The following DHX40 variants were observed in gnomAD, a reference collection of about 807,000 sequenced individuals.
DHX40 encodes DEAH-box helicase 40, also known as probable ATP-dependent RNA helicase DHX40.
In DHX40, 28 loss-of-function variants were observed where a neutral mutation model predicts 89.6. The observed-to-expected ratio is 0.31, with a 90% CI of 0.23 to 0.43. The LOEUF (loss-of-function observed/expected upper bound fraction) is 0.43, where lower values mean the gene tolerates loss of function less well. Among genes scored for constraint, DHX40 ranks in the 20% least tolerant of loss-of-function variants. DHX40 has a pLI of 1.00. For synonymous variants in DHX40, 226 were observed against 283.6 expected (o/e 0.80, Z 2.04); for missense variants, 457 against 844.0 (o/e 0.54, Z 5.68).
intron 14 of DHX40, 51 bp from the exon 15 acceptor site, chr17:59,602,471 A>G: frequency 6.9e-7 from 1 of 1,447,730 alleles, no homozygotes; most frequent in Non-Finnish European, 9.5e-7. Context: ...ATAAAAGATT[A>G]TTTCAAATTG....
rs142357506 is a variant in DHX40, at chr17:59,568,211, G to A, written c.280+1417G>A. ...CTGTTGCACTCCAGTCTGGGCAACA[G>A]AGTGAGACTCTGTGTCAAAAAAAAT... On this transcript the variant is annotated intron_variant, in intron 2 of 17. Coordinates refer to ENST00000251241, the MANE Select transcript of DHX40 (RefSeq NM_024612.5). Among the ~76,000 whole-genome samples, 521 of 152,326 alleles carry A rather than the reference G, an allele frequency of 3.4e-3. 4 individuals are homozygous for A. Among genetic ancestry groups the A allele is most frequent in the African/African-American group, 0.012 (481 of 41,572 alleles).
rs2143180617 is a variant in DHX40, at chr17:59,566,777, A to G, written c.263A>G (p.Lys88Arg). ...TGSGKTTQLP[K>R]YLYEAGFSQH... is the part of the protein sequence containing the mutation. ...AGTGGTAAAACAACTCAACTCCCAA[A>G]ATATCTATATGAAGCAGGTGATTTT... The change falls in exon 2 of 18, where the codon AAA becomes AGA. Residue 88 changes from lysine to arginine, a missense_variant. Transcript: ENST00000251241. 6.3e-7 allele frequency: 1 copy of G among 1,583,136 alleles called. No individual in the cohort carries two copies. The highest frequency in any genetic ancestry group is 8.5e-7 in the Non-Finnish European group (1 of 1,171,944).
chr17:59,570,103 T>TAAATATATATAATATATATATATA (rs1567857939), intron 2 of DHX40, among the ~76,000 whole-genome samples: 1 of 127,796 alleles, frequency 7.8e-6, no homozygotes, highest in African/African-American at 3.0e-5. Flanking sequence ...ATAGTATATA[T>TAAATATATATAATATATATATATA]TATAATATAT....
intron 3 of DHX40, 108 bp downstream of exon 3, chr17:59,570,771 C>T (rs2048795814): frequency 2.5e-6 from 3 of 1,185,674 alleles, no homozygotes; most frequent in African/African-American, 1.6e-5. Flanking sequence ...GTAGCCTCTA[C>T]CTTCTGGGCT....
chr17:59,566,620 A>T lies in DHX40; in HGVS notation c.113-7A>T. ...CTTTTAATTGACTTGTTTTTCTGTTATTACAGAAGAGAAAGGATGCACGTC... is the reference window on the plus strand; with the variant it reads ...CTTTTAATTGACTTGTTTTTCTGTTTTTACAGAAGAGAAAGGATGCACGTC... On this transcript the variant is annotated splice_polypyrimidine_tract_variant and splice_region_variant and intron_variant, in intron 1 of 17. Transcript: ENST00000251241. 1.3e-6 allele frequency: 2 copies of T among 1,572,282 alleles called. No homozygotes were observed. The highest frequency in any genetic ancestry group is 1.4e-5 in the African/African-American group (1 of 72,032).
In DHX40 at chr17:59,586,905, G is replaced by A. The variant is rs374574583; in HGVS notation, c.1424+672G>A. Among the ~76,000 whole-genome samples, 9 of 152,122 alleles carry A rather than the reference G, an allele frequency of 5.9e-5. No individual in the cohort carries two copies. The South Asian group carries it at 1.9e-3, about 32-fold the overall frequency. On this transcript the variant is annotated intron_variant, in intron 11 of 17. Transcript: ENST00000251241. ...GTGGTGGCTCACGCCTGTAATTCCA[G>A]CACTTTGGGAGGCCAAGGCGAGCAG...
intron 3 of DHX40, 95 bp downstream of exon 3, chr17:59,570,758 T>C: frequency 7.8e-7 from 1 of 1,287,840 alleles, no homozygotes. Flanking sequence ...ATCATGGCTC[T>C]CTGTAGCCTC....
intron 17 of DHX40, 124 bp from the exon 18 acceptor site, chr17:59,606,909 T>G: frequency 1.0e-6 from 1 of 993,224 alleles, no homozygotes. Context: ...GGGCAAAATT[T>G]AATTTTTCTC....
At chr17:59,600,891 C>G (rs1263404102) in intron 14 of DHX40, among the ~76,000 whole-genome samples, 1 of 139,706 alleles carries the variant, frequency 7.2e-6, no homozygotes, top group East Asian at 2.1e-4. Context: ...TTTATGCGTA[C>G]AGGTCACTGC....
chr17:59,596,047 A>C (rs1438676016), intron 12 of DHX40, among the ~76,000 whole-genome samples: 1 of 152,078 alleles, frequency 6.6e-6, no homozygotes, highest in Non-Finnish European at 1.5e-5. Flanking sequence ...AATATACACA[A>C]ATCTATTATA....
At chr17:59,595,088 G>T (rs1186827458) in intron 12 of DHX40, among the ~76,000 whole-genome samples, 6 of 145,654 alleles carry the variant, frequency 4.1e-5, no homozygotes, top group South Asian at 4.3e-4. Flanking sequence ...TTTGTTTTTT[G>T]TTTTTTTTTT....
chr17:59,566,601 A>G, intron 1 of DHX40, 26 bp from the exon 2 acceptor site: 2 of 1,557,496 alleles, frequency 1.3e-6, no homozygotes, highest in South Asian at 1.2e-5. Context: ...AAGTCTTTTA[A>G]TTGACTTGTT....
intron 17 of DHX40, among the ~76,000 whole-genome samples, 177 bp from the exon 18 acceptor site, chr17:59,606,856 G>A (rs1159539351): frequency 1.3e-5 from 2 of 151,866 alleles, no homozygotes; most frequent in East Asian, 3.9e-4. Flanking sequence ...CATTGGCCTT[G>A]GTGCTCTTAA....
At chr17:59,587,869 A>G (rs776515446) in intron 11 of DHX40, 27 bp from the exon 12 acceptor site, 2 of 1,582,518 alleles carry the variant, frequency 1.3e-6, no homozygotes, top group South Asian at 2.2e-5. Context: ...GTGTAGAAAG[A>G]CTTACAAACT....
chr17:59,601,945 A>G (rs1013971683), intron 14 of DHX40, among the ~76,000 whole-genome samples: 4 of 152,166 alleles, frequency 2.6e-5, no homozygotes, highest in African/African-American at 9.7e-5. Flanking sequence ...CATGTGGCTT[A>G]TAGGAACAGG....
At chr17:59,569,755 T>G (rs2048765453) in intron 2 of DHX40, among the ~76,000 whole-genome samples, 1 of 146,288 alleles carries the variant, frequency 6.8e-6, no homozygotes, top group Admixed American at 6.9e-5. Flanking sequence ...CTTTCTTTTT[T>G]TTTGTTTTGG....
In DHX40 at chr17:59,588,123, G is replaced by A. The variant is rs1314100254; in HGVS notation, c.1582+70G>A. 54 of 1,499,792 alleles carry A rather than the reference G, an allele frequency of 3.6e-5. No individual in the cohort carries two copies. The Admixed American group carries it at 9.4e-4, about 26-fold the overall frequency. 92.9% of individuals were successfully genotyped at this position (1,499,792 alleles called of 1,614,324 possible). On this transcript the variant is annotated intron_variant, in intron 12 of 17. Transcript: ENST00000251241. ...TGGCTGGGCACGGTGGCTCACGCCTGTAATCCCATCACTTTGGGAGGGCAA... is the reference window on the plus strand; with the variant it reads ...TGGCTGGGCACGGTGGCTCACGCCTATAATCCCATCACTTTGGGAGGGCAA...
chr17:59,574,823 A>G (rs1274670025), intron 6 of DHX40, among the ~76,000 whole-genome samples: 1 of 151,898 alleles, frequency 6.6e-6, no homozygotes, highest in African/African-American at 2.4e-5. Flanking sequence ...GTAGACAAGC[A>G]TGTGGCATTT....
At chr17:59,592,408 A>C (rs867048627) in intron 12 of DHX40, among the ~76,000 whole-genome samples, 377 of 145,858 alleles carry the variant, frequency 2.6e-3, no homozygotes, top group African/African-American at 9.1e-3. Context: ...ATTCTGTAAA[A>C]TGCTTATACC....
Sources: allele counts gnomAD v4.1 joint callset (sites outside exome capture counted in the v4.1 genomes callset), GRCh38; gene constraint gnomAD v4.1.1; transcripts MANE v1.5; gene names NCBI Gene and HGNC (gene_info 2026-07-23, HGNC 2026-07-21).